Variants in PLCE1 observed in about 807,000 individuals in gnomAD.
PLCE1 encodes the protein phospholipase C epsilon 1.
Under a neutral mutation model 242.8 loss-of-function variants are expected in PLCE1, and 119 were observed. That is an observed-to-expected ratio of 0.49 (90% CI 0.42 to 0.57). PLCE1 has a LOEUF of 0.57. Among genes scored for constraint, PLCE1 ranks in the 20% least tolerant of loss-of-function variants. PLCE1 has a pLI of 0.00. For missense variants in PLCE1, 2,441 were observed against 2,788.8 expected (o/e 0.88, Z 2.81); for synonymous variants, 945 against 1,017.4 (o/e 0.93, Z 1.35).
chr10:94,028,276 A>G (rs1002636), intron 1 of PLCE1, among the ~76,000 whole-genome samples: 60,933 of 152,082 alleles, frequency 0.4, 15,113 homozygotes, highest in African/African-American at 0.71. Context: ...TAGGTTGCAG[A>G]TACAATCATC....
In PLCE1 at chr10:94,232,320, A is replaced by T. The variant is rs150457262; in HGVS notation, c.1956-1734A>T. Among the ~76,000 whole-genome samples, 666 of 152,340 alleles carry T rather than the reference A, an allele frequency of 4.4e-3. 1 individual carries two copies. Among genetic ancestry groups the T allele is most frequent in the African/African-American group, 0.014 (589 of 41,576 alleles). ...TCAAAATTTTAATATCTCATTCAAT[A>T]TATATCTTCTTCCCTTCCTTACGTT... On this transcript the variant is annotated intron_variant, in intron 5 of 32. Coordinates refer to ENST00000371380, the MANE Select transcript of PLCE1 (RefSeq NM_016341.4).
chr10:94,151,309 A>G (rs796143657), intron 3 of PLCE1, among the ~76,000 whole-genome samples: 6 of 152,294 alleles, frequency 3.9e-5, no homozygotes, highest in East Asian at 1.9e-4. Context: ...GCTTGTTGCA[A>G]ATATTCACTT....
chr10:94,053,126 A>G (rs910883910), intron 2 of PLCE1, among the ~76,000 whole-genome samples: 31 of 152,198 alleles, frequency 2.0e-4, no homozygotes, highest in African/African-American at 7.2e-4. Context: ...TGAGCAGTTA[A>G]GAGCTGGGCT....
At position 94,313,300 on chromosome 10, in the gene PLCE1, C is replaced by T. The variant is rs751230422; in HGVS notation, c.6050C>T (p.Thr2017Met). The change falls in exon 28 of 33, where the codon ACG becomes ATG. Residue 2017 changes from threonine to methionine, a missense_variant. Thr to Met is a moderately conservative substitution (Grantham distance 81, BLOSUM62 -1). Coordinates refer to ENST00000371380, the MANE Select transcript of PLCE1 (RefSeq NM_016341.4). ...AAATGTTTGCAGACTCACAGAGTCA[C>T]GGTGCATGGGGTCCCAGGGCCAGAG... Reference protein sequence around the residue: ...ERKCLQTHRVTVHGVPGPEPF... With the variant: ...ERKCLQTHRVMVHGVPGPEPF... The T allele has an allele frequency of 5.6e-6, 9 of 1,613,980 alleles. No homozygotes were observed. Among genetic ancestry groups the T allele is most frequent in the East Asian group, 2.2e-5 (1 of 44,894 alleles).
chr10:94,056,391 TA>T (rs2043904050), intron 2 of PLCE1, among the ~76,000 whole-genome samples: 1 of 152,202 alleles, frequency 6.6e-6, no homozygotes, highest in Admixed American at 6.5e-5. Flanking sequence ...AATTGTGTAC[TA>T]AATACCTTAT....
intron 14 of PLCE1, 122 bp downstream of exon 14, chr10:94,262,854 C>T (rs2051351727): frequency 7.3e-6 from 6 of 818,588 alleles, no homozygotes; most frequent in East Asian, 4.9e-5. Context: ...GACAGATATA[C>T]AGTTTTGTTT....
chr10:94,279,522 C>T (rs917162407), intron 19 of PLCE1: 9 of 499,848 alleles, frequency 1.8e-5, no homozygotes, highest in Admixed American at 3.4e-5. Context: ...TCCTGGGAAC[C>T]TGGCTAGCTG....
rs2053449340 is a variant in PLCE1 at position 94,313,333 on chromosome 10, C to A, written c.6083C>A (p.Thr2028Asn). ...GGGGTCCCAGGGCCAGAGCCCTTTA[C>A]CGTTTTCACTATTAATGGAGGCACC... ...VHGVPGPEPFTVFTINGGTKA... is the reference protein window; with the variant it reads ...VHGVPGPEPFNVFTINGGTKA... Residue 2028 changes from threonine to asparagine, a missense_variant, in exon 28 of 33, where the codon ACC (threonine) becomes AAC (asparagine). This residue lies in a region of PLCE1 where 1,004 missense variants were observed against 1,322.7 expected (regional missense o/e 0.76). Transcript: ENST00000371380. The A allele has an allele frequency of 6.2e-7, 1 of 1,614,052 alleles. No individual in the cohort carries two copies. Among genetic ancestry groups the A allele is most frequent in the Non-Finnish European group, 8.5e-7 (1 of 1,180,028 alleles).
chr10:94,208,492 A>G (rs2049235647), intron 4 of PLCE1, among the ~76,000 whole-genome samples: 1 of 152,258 alleles, frequency 6.6e-6, no homozygotes, highest in Admixed American at 6.5e-5. Context: ...CGACCAGCAC[A>G]TCAGTGTCAT....
At chr10:94,173,166 C>T (rs1013099009) in intron 4 of PLCE1, among the ~76,000 whole-genome samples, 2 of 152,198 alleles carry the variant, frequency 1.3e-5, no homozygotes, top group East Asian at 1.9e-4. Context: ...TGGTAGGTGG[C>T]AATTTTGGTT....
intron 2 of PLCE1, among the ~76,000 whole-genome samples, chr10:94,126,784 A>G (rs1445755931): frequency 6.6e-6 from 1 of 152,112 alleles, no homozygotes; most frequent in East Asian, 1.9e-4. Flanking sequence ...CATTAGACTT[A>G]ACTTGACTAT....
intron 23 of PLCE1, among the ~76,000 whole-genome samples, chr10:94,294,763 G>C (rs991973283): frequency 2.6e-5 from 4 of 152,210 alleles, no homozygotes; most frequent in East Asian, 1.9e-4. Context: ...GATTCATCAG[G>C]GGGGTGGTTG....
At chr10:94,061,003 C>A (rs912354862) in intron 2 of PLCE1, among the ~76,000 whole-genome samples, 4 of 152,048 alleles carry the variant, frequency 2.6e-5, no homozygotes, top group African/African-American at 4.8e-5. Context: ...CCAGCCTGCC[C>A]TTATTTAACT....
At chr10:94,281,113 G>A (rs1230137032) in intron 20 of PLCE1, among the ~76,000 whole-genome samples, 2 of 152,150 alleles carry the variant, frequency 1.3e-5, no homozygotes, top group African/African-American at 4.8e-5. Context: ...ATGGGAATGT[G>A]AATTTTTTAT....
At chr10:94,310,118 G>A (rs11187851) in intron 27 of PLCE1, among the ~76,000 whole-genome samples, 35,565 of 152,100 alleles carry the variant, frequency 0.23, 4,387 homozygotes, top group Middle Eastern at 0.42. Flanking sequence ...GTATCCATTG[G>A]TTACCCCCTT....
At chr10:94,089,210 G>GC (rs2044963003) in intron 2 of PLCE1, 1 of 1,614,054 alleles carries the variant, frequency 6.2e-7, no homozygotes, top group South Asian at 1.1e-5. Flanking sequence ...TGGTTTCTGT[G>GC]CAGCCTCTTA....
intron 26 of PLCE1, among the ~76,000 whole-genome samples, chr10:94,307,775 C>A (rs1387823502): frequency 6.6e-6 from 1 of 152,166 alleles, no homozygotes; most frequent in African/African-American, 2.4e-5. Context: ...TCTTTAAAGA[C>A]CCTCTCTTCA....
intron 2 of PLCE1, among the ~76,000 whole-genome samples, chr10:94,074,871 A>T (rs1376114873): frequency 6.6e-6 from 1 of 152,200 alleles, no homozygotes; most frequent in African/African-American, 2.4e-5. Context: ...TTAAAGAATA[A>T]CTTGTATAAT....
Position 94,236,048 on chromosome 10 carries a change from C to T in PLCE1, c.2348C>T (p.Thr783Ile). The change falls in exon 7 of 33, where the codon ACA becomes ATA. Residue 783 changes from threonine to isoleucine, a missense_variant. Transcript: ENST00000371380. ...CGGAGCTGCAATCGAAGTCTGGAGA[C>T]AGACGAGGAGGACAGCCCCAGTGAA... ...VIRSCNRSLETDEEDSPSEGN... is the reference protein window; with the variant it reads ...VIRSCNRSLEIDEEDSPSEGN... 6.2e-7 allele frequency: 1 copy of T among 1,614,064 alleles called. No homozygotes were observed. The highest frequency in any genetic ancestry group is 1.1e-5 in the South Asian group (1 of 91,080).
Sources: gnomAD v4.1 joint callset for allele counts (sites outside exome capture counted in the v4.1 genomes callset) on GRCh38, gnomAD v4.1.1 for gene constraint, gnomAD v4.1.1 regional missense constraint, MANE v1.5 for transcripts, NCBI Gene and HGNC (gene_info 2026-07-23, HGNC 2026-07-21) for gene names.